B3GAT2: variants seen among roughly 807,000 people sequenced by gnomAD.
B3GAT2 encodes beta-1,3-glucuronyltransferase 2.
Under a neutral mutation model 27.8 loss-of-function variants are expected in B3GAT2, and 26 were observed. The ratio of observed to expected loss-of-function variants is 0.93; its 90% CI spans 0.68 to 1.30. The LOEUF (loss-of-function observed/expected upper bound fraction) is 1.30. Among genes scored for constraint, B3GAT2 ranks in the 50% most tolerant of loss-of-function variants. B3GAT2 has a pLI of 0.00. For missense variants in B3GAT2, 458 were observed against 459.0 expected, an observed-to-expected ratio of 1.00 and a Z score of 0.02; for synonymous variants, 218 against 195.1, an observed-to-expected ratio of 1.12 and a Z score of -0.98.
chr6:70,880,907 G>A (rs1199188523), intron 2 of B3GAT2, among the ~76,000 whole-genome samples: 7 of 152,066 alleles, frequency 4.6e-5, no homozygotes, highest in African/African-American at 7.2e-5. Flanking sequence ...GGCCTCAAAC[G>A]ATTCTCCTGC....
chr6:70,955,702 C>A, intron 1 of B3GAT2, 137 bp downstream of exon 1: 1 of 1,074,380 alleles, frequency 9.3e-7, no homozygotes, highest in Non-Finnish European at 1.3e-6. Flanking sequence ...CGGCTCCACT[C>A]GGTGCCCCGA....
At position 70,956,746 on chromosome 6, in the gene B3GAT2, G is replaced by A. The variant is rs1385755547; in HGVS notation, c.-317C>T. 5.5e-6 allele frequency: 7 copies of A among 1,269,596 alleles called. No homozygotes were observed. In the Admixed American group the frequency reaches 2.4e-4, roughly 43 times the overall value. 78.6% of individuals were successfully genotyped at this position (1,269,596 alleles called of 1,614,324 possible). A position where few individuals can be genotyped will look rare whatever the true frequency, so the allele number is the denominator to read the frequency against. On this transcript the variant is annotated 5_prime_UTR_variant, in exon 1 of 4. Transcript: ENST00000230053. ...GGTCCCGGAGTTGTGCCGAGTGCGGGAAAGGCGCTGATCCCCACCGCGCTC... is the reference window on the plus strand; with the variant it reads ...GGTCCCGGAGTTGTGCCGAGTGCGGAAAAGGCGCTGATCCCCACCGCGCTC...
At chr6:70,927,973 C>G (rs1250940069) in intron 1 of B3GAT2, among the ~76,000 whole-genome samples, 3 of 151,968 alleles carry the variant, frequency 2.0e-5, no homozygotes, top group East Asian at 3.9e-4. Context: ...GAACAGAAAT[C>G]ACAACAAACT....
Position 70,946,748 on chromosome 6 carries a change from A to G in B3GAT2, c.591+9091T>C, listed in dbSNP as rs572850820. ...AAGCGGACCTAATACACATCTAAAG[A>G]ACTCTCCACCCCAAATCAACAGAAT... On this transcript the variant is annotated intron_variant, in intron 1 of 3. Transcript: ENST00000230053. Among the ~76,000 whole-genome samples the G allele has an allele frequency of 2.0e-4, 30 of 152,190 alleles. No individual in the cohort carries two copies. The East Asian group carries it at 3.3e-3, about 17-fold the overall frequency.
rs1369992157 is a variant in B3GAT2, at chr6:70,956,288, C to T, written c.142G>A (p.Gly48Arg). The change falls in exon 1 of 4, where the codon GGG becomes AGG. Residue 48 changes from glycine (G) to arginine (R), a missense_variant. Physicochemically the swap from Gly to Arg is moderately radical, Grantham distance 125. Transcript: ENST00000230053. ...CTGCGGAGCGGGAGTCGGGCGCCCC[C>T]GCGGCCCACCGCGTAGGGAGAGAAG... ...PYFSPYAVGR[G>R]GARLPLRRGG... The T allele has an allele frequency of 6.2e-7, 1 of 1,601,244 alleles. No homozygotes were observed. Among genetic ancestry groups the T allele is most frequent in the Non-Finnish European group, 8.5e-7 (1 of 1,173,682 alleles).
intron 1 of B3GAT2, among the ~76,000 whole-genome samples, chr6:70,900,662 C>T (rs911064298): frequency 2.6e-5 from 4 of 152,222 alleles, no homozygotes; most frequent in Non-Finnish European, 1.5e-5. Context: ...CTTTTCGACC[C>T]TCCTTGGGAG....
intron 1 of B3GAT2, among the ~76,000 whole-genome samples, chr6:70,920,058 C>T (rs1336338157): frequency 6.6e-6 from 1 of 152,136 alleles, no homozygotes; most frequent in African/African-American, 2.4e-5. Flanking sequence ...TGGGCTCCGT[C>T]CAGTTCAAGC....
intron 1 of B3GAT2, among the ~76,000 whole-genome samples, chr6:70,929,196 A>G (rs893652023): frequency 6.6e-6 from 1 of 151,298 alleles, no homozygotes; most frequent in Non-Finnish European, 1.5e-5. Flanking sequence ...AACTTCACAC[A>G]CCAGGGTAGG....
Position 70,956,682 on chromosome 6 carries a change from G to A in B3GAT2, c.-253C>T, listed in dbSNP as rs888069877. On this transcript the variant is annotated 5_prime_UTR_variant, in exon 1 of 4. Coordinates refer to ENST00000230053, the MANE Select transcript of B3GAT2 (RefSeq NM_080742.3). The stretch of plus-strand genomic sequence containing the variant: ...AGGGGCTGCCCCCGACTCCAGGTGA[G>A]CTGGCGGGAAGCGGGACTCGGTCCA... The A allele has an allele frequency of 3.7e-6, 5 of 1,361,136 alleles. No homozygotes were observed. The highest frequency in any genetic ancestry group is 4.7e-6 in the Non-Finnish European group (5 of 1,059,218). 84.3% of individuals were successfully genotyped at this position (1,361,136 alleles called of 1,614,324 possible).
chr6:70,947,541 A>G (rs2150051914), intron 1 of B3GAT2, among the ~76,000 whole-genome samples: 1 of 152,218 alleles, frequency 6.6e-6, no homozygotes, highest in African/African-American at 2.4e-5. Flanking sequence ...GAAGAAGTTG[A>G]ATCTCTGAAT....
intron 1 of B3GAT2, among the ~76,000 whole-genome samples, chr6:70,942,470 AC>A (rs1426255588): frequency 1.3e-5 from 2 of 152,036 alleles, no homozygotes; most frequent in African/African-American, 4.8e-5. Context: ...CTGTCCCATC[AC>A]CCACTAGGCC....
chr6:70,944,215 C>G (rs190142331), intron 1 of B3GAT2, among the ~76,000 whole-genome samples: 2,305 of 150,372 alleles, frequency 0.015, 25 homozygotes, highest in Non-Finnish European at 0.026. Context: ...GAGTGCCAGA[C>G]AGTGGGCGCA....
chr6:70,868,137 T>G (rs1395864782), intron 2 of B3GAT2, among the ~76,000 whole-genome samples: 3 of 152,120 alleles, frequency 2.0e-5, no homozygotes, highest in Non-Finnish European at 4.4e-5. Context: ...CTCAGCAAAC[T>G]AAGACTAGAA....
At chr6:70,911,919 G>C (rs1422330683) in intron 1 of B3GAT2, among the ~76,000 whole-genome samples, 2 of 152,100 alleles carry the variant, frequency 1.3e-5, no homozygotes, top group South Asian at 2.1e-4. Flanking sequence ...ATTATGAATG[G>C]GATTGTGTCC....
At chr6:70,866,840 TCCACCCAACAA>T (rs2150022072) in intron 2 of B3GAT2, among the ~76,000 whole-genome samples, 1 of 152,244 alleles carries the variant, frequency 6.6e-6, no homozygotes, top group South Asian at 2.1e-4. Flanking sequence ...TATAGAACAC[TCCACCCAACAA>T]CAGCAGAATA....
intron 1 of B3GAT2, among the ~76,000 whole-genome samples, chr6:70,927,602 G>A (rs1772985183): frequency 6.6e-6 from 1 of 152,096 alleles, no homozygotes; most frequent in African/African-American, 2.4e-5. Flanking sequence ...AATGGTAAAG[G>A]GATCAATTCA....
At chr6:70,873,003 A>T (rs1214623948) in intron 2 of B3GAT2, among the ~76,000 whole-genome samples, 1 of 152,078 alleles carries the variant, frequency 6.6e-6, no homozygotes, top group African/African-American at 2.4e-5. Flanking sequence ...ATTGTCATAA[A>T]AATTATATCT....
In B3GAT2 at chr6:70,857,746, G is replaced by T. The variant is rs186099548; in HGVS notation, c.*3917C>A. ...TAATAACTGATTTGTCTGCATCCTA[G>T]AAACAACCAGCTCTCAGGGTTTAGG... On this transcript the variant is annotated 3_prime_UTR_variant, in exon 4 of 4. Transcript: ENST00000230053. 3.4e-4 allele frequency: 207 copies of T among 617,090 alleles called. No individual in the cohort carries two copies. The highest frequency in any genetic ancestry group is 1.9e-4 in the Non-Finnish European group (68 of 355,388). 38.2% of individuals were successfully genotyped at this position (617,090 alleles called of 1,614,324 possible). A position where few individuals can be genotyped will look rare whatever the true frequency, so the allele number is the denominator to read the frequency against.
intron 2 of B3GAT2, among the ~76,000 whole-genome samples, chr6:70,865,547 A>G (rs1227800029): frequency 1.3e-5 from 2 of 152,210 alleles, no homozygotes; most frequent in Non-Finnish European, 2.9e-5. Context: ...TGTAAACACT[A>G]TATCAGGGAC....
Sources: allele counts gnomAD v4.1 joint callset (sites outside exome capture counted in the v4.1 genomes callset), GRCh38; gene constraint gnomAD v4.1.1; transcripts MANE v1.5; gene names NCBI Gene and HGNC (gene_info 2026-07-23, HGNC 2026-07-21).